Variants in UNC5D observed in about 807,000 individuals in gnomAD.
UNC5D encodes the protein netrin receptor UNC5D.
In UNC5D, 39 loss-of-function variants were observed where a neutral mutation model predicts 105.4. The ratio of observed to expected loss-of-function variants is 0.37; its 90% CI spans 0.29 to 0.48. UNC5D has a LOEUF of 0.48. Among genes scored for constraint, UNC5D ranks in the 20% least tolerant of loss-of-function variants. The probability of loss-of-function intolerance (pLI) is 0.98; values close to 1 mark genes in which losing one functional copy is unlikely to be tolerated. For synonymous variants in UNC5D, 452 were observed against 450.4 expected, an observed-to-expected ratio of 1.00 and a Z score of -0.04; for missense variants, 991 against 1,202.4, an observed-to-expected ratio of 0.82 and a Z score of 2.60.
chr8:35,514,324 C>A (rs534783031), intron 1 of UNC5D, among the ~76,000 whole-genome samples: 4 of 152,162 alleles, frequency 2.6e-5, no homozygotes, highest in Non-Finnish European at 5.9e-5. Context: ...ATCTGCCAGA[C>A]TCTTACACAA....
At chr8:35,685,961 G>T (rs1825977875) in intron 6 of UNC5D, among the ~76,000 whole-genome samples, 1 of 152,090 alleles carries the variant, frequency 6.6e-6, no homozygotes, top group South Asian at 2.1e-4. Flanking sequence ...GCTTTTTAGT[G>T]GAATTAAATT....
intron 8 of UNC5D, among the ~76,000 whole-genome samples, chr8:35,714,918 A>C (rs1992090): frequency 6.6e-6 from 1 of 152,148 alleles, no homozygotes; most frequent in Non-Finnish European, 1.5e-5. Flanking sequence ...TTGGGAGGCC[A>C]AGGCTGGCAA....
chr8:35,322,941 C>T (rs2178255), intron 1 of UNC5D, among the ~76,000 whole-genome samples: 124,718 of 152,064 alleles, frequency 0.82, 51,599 homozygotes, highest in East Asian at 1. Context: ...TCCATTTGCA[C>T]GCTATATTTC....
intron 4 of UNC5D, among the ~76,000 whole-genome samples, chr8:35,628,460 G>A (rs563473982): frequency 3.9e-5 from 6 of 152,106 alleles, no homozygotes; most frequent in Non-Finnish European, 7.4e-5. Flanking sequence ...ATGTTAAGAT[G>A]TCATCAACTA....
intron 1 of UNC5D, among the ~76,000 whole-genome samples, chr8:35,443,021 C>T (rs1242391925): frequency 1.3e-5 from 2 of 151,698 alleles, no homozygotes; most frequent in Non-Finnish European, 2.9e-5. Context: ...CCATTAGGAT[C>T]AGGTAGCTTC....
At chr8:35,544,683 A>G (rs958149764) in intron 1 of UNC5D, 26 of 1,065,806 alleles carry the variant, frequency 2.4e-5, no homozygotes, top group Non-Finnish European at 3.2e-5. Flanking sequence ...GCTCACGGCA[A>G]CCTCTGCCTT....
chr8:35,577,885 T>C (rs1272420722), intron 3 of UNC5D, among the ~76,000 whole-genome samples: 1 of 152,124 alleles, frequency 6.6e-6, no homozygotes, highest in African/African-American at 2.4e-5. Flanking sequence ...TGATGTGATA[T>C]CCTGATGTGA....
At chr8:35,358,903 T>C (rs1801706416) in intron 1 of UNC5D, among the ~76,000 whole-genome samples, 1 of 152,150 alleles carries the variant, frequency 6.6e-6, no homozygotes, top group African/African-American at 2.4e-5. Flanking sequence ...TGGCACTGGG[T>C]TTTTATATGA....
intron 15 of UNC5D, among the ~76,000 whole-genome samples, chr8:35,773,111 A>T (rs1022181685): frequency 6.6e-6 from 1 of 152,210 alleles, no homozygotes; most frequent in East Asian, 1.9e-4. Flanking sequence ...CATTAATTAC[A>T]TCAGCAGAGT....
intron 1 of UNC5D, among the ~76,000 whole-genome samples, chr8:35,453,616 A>AAAGT (rs1369188240): frequency 6.6e-6 from 1 of 152,204 alleles, no homozygotes; most frequent in Non-Finnish European, 1.5e-5. Context: ...AAGAGAAGAG[A>AAAGT]AAGTCCTCTG....
At chr8:35,458,469 C>T (rs972892436) in intron 1 of UNC5D, among the ~76,000 whole-genome samples, 8 of 152,110 alleles carry the variant, frequency 5.3e-5, no homozygotes, top group African/African-American at 7.2e-5. Flanking sequence ...CATGAGATTC[C>T]GTCCCTTTTC....
intron 1 of UNC5D, among the ~76,000 whole-genome samples, chr8:35,461,404 A>C (rs1808887264): frequency 6.6e-6 from 1 of 152,152 alleles, no homozygotes. Context: ...CTCAGGTTGC[A>C]CTTGGAAAGG....
intron 1 of UNC5D, among the ~76,000 whole-genome samples, chr8:35,236,312 T>C (rs1366227427): frequency 1.3e-5 from 2 of 152,116 alleles, no homozygotes; most frequent in African/African-American, 4.8e-5. Context: ...GATGGGAGTG[T>C]CTGTAGGGTG....
chr8:35,740,238 GATTA>G lies in UNC5D; in HGVS notation c.1767-8283_1767-8280del, dbSNP rs1175138356. Among the ~76,000 whole-genome samples, 5 of 152,328 alleles carry G rather than the reference GATTA, an allele frequency of 3.3e-5. No individual in the cohort carries two copies. In the South Asian group the frequency reaches 6.2e-4, roughly 19 times the overall value. On this transcript the variant is annotated intron_variant, in intron 11 of 16. Coordinates refer to ENST00000404895, the MANE Select transcript of UNC5D (RefSeq NM_080872.4). ...ACAACCGTACAAAGGGGAATTTGCA[GATTA>G]ATTAAGATCAAAGGAGAAGGAGAGA...
chr8:35,774,051 T>G (rs1267851004), intron 15 of UNC5D, among the ~76,000 whole-genome samples: 3 of 152,064 alleles, frequency 2.0e-5, no homozygotes, highest in African/African-American at 4.8e-5. Flanking sequence ...TGCTGGAAGC[T>G]AGTCATTGTG....
At position 35,726,407 on chromosome 8, in the gene UNC5D, C is replaced by T. The variant is rs1007273685; in HGVS notation, c.1559C>T (p.Thr520Ile). ...FPHGNNHSFS[T>I]MHPRNKMPYI... Reference sequence around the variant, plus strand: ...CATGGAAACAACCACAGCTTTAGTACAATGCATCCCAGAAATAAAATGCCC... The same window carrying T: ...CATGGAAACAACCACAGCTTTAGTATAATGCATCCCAGAAATAAAATGCCC... Residue 520 changes from threonine to isoleucine, a missense_variant, in exon 10 of 17, where the codon ACA becomes ATA. This residue lies in a region of UNC5D where 944 missense variants were observed against 1,131.6 expected (regional missense o/e 0.83). Transcript: ENST00000404895. 1 of 1,614,156 alleles carries T rather than the reference C, an allele frequency of 6.2e-7. No individual in the cohort carries two copies. The highest frequency in any genetic ancestry group is 2.2e-5 in the East Asian group (1 of 44,886).
chr8:35,790,626 G>A lies in UNC5D; in HGVS notation c.*63G>A, dbSNP rs1038541159. The A allele has an allele frequency of 2.5e-5, 39 of 1,579,846 alleles. No individual in the cohort carries two copies. The highest frequency in any genetic ancestry group is 3.3e-5 in the Non-Finnish European group (38 of 1,155,860). ...GGGGACATTTGCTTTAAATGGGAAA[G>A]AGGCCGCTTTCTGCCCAGTGGCGTT... On this transcript the variant is annotated 3_prime_UTR_variant, in exon 17 of 17. Coordinates refer to ENST00000404895, the MANE Select transcript of UNC5D (RefSeq NM_080872.4).
chr8:35,418,753 C>T (rs931064559), intron 1 of UNC5D, among the ~76,000 whole-genome samples: 1 of 152,196 alleles, frequency 6.6e-6, no homozygotes, highest in Non-Finnish European at 1.5e-5. Flanking sequence ...AATGTTCTCA[C>T]CTACGGACGT....
At chr8:35,745,465 T>A (rs1829954344) in intron 11 of UNC5D, among the ~76,000 whole-genome samples, 1 of 152,156 alleles carries the variant, frequency 6.6e-6, no homozygotes, top group Non-Finnish European at 1.5e-5. Flanking sequence ...GAGACCAGTA[T>A]CATTTCCAAG....
Sources: gnomAD v4.1 joint callset for allele counts (sites outside exome capture counted in the v4.1 genomes callset) on GRCh38, gnomAD v4.1.1 for gene constraint, gnomAD v4.1.1 regional missense constraint, MANE v1.5 for transcripts, NCBI Gene and HGNC (gene_info 2026-07-23, HGNC 2026-07-21) for gene names.